ATRNL1: variants seen among roughly 807,000 people sequenced by gnomAD.
The protein encoded by ATRNL1 is attractin like 1.
Under a neutral mutation model 182.7 loss-of-function variants are expected in ATRNL1, and 95 were observed. That is an observed-to-expected ratio of 0.52 (90% CI 0.44 to 0.62). The LOEUF is 0.62. Ranked by LOEUF, ATRNL1 falls within the 20% of genes least tolerant of loss-of-function variation. The pLI is 0.00. For synonymous variants in ATRNL1, 576 were observed against 568.3 expected (o/e 1.01, Z -0.19); for missense variants, 1,471 against 1,679.5 (o/e 0.88, Z 2.17).
intron 19 of ATRNL1, among the ~76,000 whole-genome samples, chr10:115,336,980 G>GA (rs1264929005): frequency 7.5e-5 from 1 of 13,250 alleles, no homozygotes; most frequent in Non-Finnish European, 1.1e-4. Flanking sequence ...CAAGTAGCTG[G>GA]GGGGGGGGGA....
intron 24 of ATRNL1, among the ~76,000 whole-genome samples, chr10:115,489,820 T>C (rs782348655): frequency 6.6e-6 from 1 of 152,174 alleles, no homozygotes; most frequent in Non-Finnish European, 1.5e-5. Flanking sequence ...TTCATAGCAT[T>C]GATGGTCTTT....
In ATRNL1 at chr10:115,857,422, T is replaced by G. The variant is rs545590077; in HGVS notation, c.4018+9431T>G. Reference sequence around the variant, plus strand: ...AAGTAACTTGCCTACAGTCACATAGTAAATAATTATGGAGTCAGAATTTAA... The same window carrying G: ...AAGTAACTTGCCTACAGTCACATAGGAAATAATTATGGAGTCAGAATTTAA... On this transcript the variant is annotated intron_variant, in intron 28 of 28. Coordinates refer to ENST00000355044, the MANE Select transcript of ATRNL1 (RefSeq NM_207303.4). Among the ~76,000 whole-genome samples, 3 of 152,344 alleles carry G rather than the reference T, an allele frequency of 2.0e-5. No homozygotes were observed. In the South Asian group the frequency reaches 6.2e-4, roughly 32 times the overall value.
chr10:115,210,419 G>C (rs1564822875), intron 8 of ATRNL1, among the ~76,000 whole-genome samples: 1 of 151,768 alleles, frequency 6.6e-6, no homozygotes, highest in Non-Finnish European at 1.5e-5. Context: ...CCACAGTTAA[G>C]ATACAGAGTA....
intron 26 of ATRNL1, among the ~76,000 whole-genome samples, chr10:115,618,012 G>T (rs1441669812): frequency 6.6e-6 from 1 of 152,104 alleles, no homozygotes; most frequent in Non-Finnish European, 1.5e-5. Context: ...TTAAAAGTGT[G>T]TAGCACCTCC....
At chr10:115,842,311 A>G (rs955027707) in intron 27 of ATRNL1, among the ~76,000 whole-genome samples, 4 of 152,114 alleles carry the variant, frequency 2.6e-5, no homozygotes, top group African/African-American at 9.7e-5. Flanking sequence ...ATCATATGGT[A>G]TAAAAATGTT....
At chr10:115,155,415 T>C (rs797041717) in intron 5 of ATRNL1, among the ~76,000 whole-genome samples, 2 of 152,120 alleles carry the variant, frequency 1.3e-5, no homozygotes, top group South Asian at 4.1e-4. Flanking sequence ...TTTATTATAG[T>C]ATTAAATATT....
intron 8 of ATRNL1, among the ~76,000 whole-genome samples, chr10:115,199,362 C>G (rs1554891772): frequency 1.3e-5 from 2 of 151,866 alleles, no homozygotes; most frequent in South Asian, 4.2e-4. Context: ...GTCAAGAGAT[C>G]GAGACCTTCC....
intron 28 of ATRNL1, among the ~76,000 whole-genome samples, chr10:115,880,727 A>G (rs1589642504): frequency 6.6e-6 from 1 of 152,322 alleles, no homozygotes; most frequent in East Asian, 1.9e-4. Context: ...TGTCCCTGTC[A>G]TTTACCTAAT....
intron 17 of ATRNL1, among the ~76,000 whole-genome samples, chr10:115,310,947 T>C (rs1271107287): frequency 6.6e-6 from 1 of 152,144 alleles, no homozygotes; most frequent in Admixed American, 6.6e-5. Context: ...GATGCAGGCA[T>C]TTAGTACTAT....
At chr10:115,427,695 A>G (rs1399729598) in intron 21 of ATRNL1, among the ~76,000 whole-genome samples, 1 of 152,158 alleles carries the variant, frequency 6.6e-6, no homozygotes, top group Non-Finnish European at 1.5e-5. Flanking sequence ...ACTTTAATCA[A>G]TGAATTTCTG....
chr10:115,939,769 T>C (rs1953670420), intron 28 of ATRNL1, among the ~76,000 whole-genome samples: 2 of 152,122 alleles, frequency 1.3e-5, no homozygotes, highest in African/African-American at 4.8e-5. Context: ...GCGTGCAGCA[T>C]GGGCCCAGCA....
intron 24 of ATRNL1, among the ~76,000 whole-genome samples, chr10:115,475,760 C>A (rs1848499973): frequency 6.6e-6 from 1 of 151,302 alleles, no homozygotes; most frequent in Admixed American, 6.6e-5. Context: ...TTTTCTTCAT[C>A]ATCACCGTCA....
chr10:115,296,274 C>CCA (rs1345036405), intron 15 of ATRNL1, among the ~76,000 whole-genome samples: 5 of 152,164 alleles, frequency 3.3e-5, no homozygotes, highest in African/African-American at 1.2e-4. Context: ...CTTCCATTCA[C>CCA]CACAGGTGCA....
At chr10:115,780,378 T>C (rs1040818206) in intron 27 of ATRNL1, among the ~76,000 whole-genome samples, 5 of 152,088 alleles carry the variant, frequency 3.3e-5, no homozygotes, top group African/African-American at 4.8e-5. Context: ...TGAAACACAG[T>C]CTAGGCCGTG....
chr10:115,521,808 G>T (rs73373329), intron 25 of ATRNL1, among the ~76,000 whole-genome samples: 4,216 of 152,020 alleles, frequency 0.028, 228 homozygotes, highest in African/African-American at 0.098. Context: ...TAAAAAACTG[G>T]GTCATTGTTA....
At chr10:115,163,460 C>T (rs1460442263) in intron 6 of ATRNL1, among the ~76,000 whole-genome samples, 1 of 151,600 alleles carries the variant, frequency 6.6e-6, no homozygotes, top group African/African-American at 2.4e-5. Flanking sequence ...AGCTTCTGGG[C>T]CCAGGCGATC....
At chr10:115,608,071 T>C (rs544390725) in intron 26 of ATRNL1, among the ~76,000 whole-genome samples, 1 of 152,012 alleles carries the variant, frequency 6.6e-6, no homozygotes, top group Admixed American at 6.5e-5. Flanking sequence ...ATTGGTTTAG[T>C]AGCAATGCCT....
chr10:115,915,303 C>T (rs1457561166), intron 28 of ATRNL1, among the ~76,000 whole-genome samples: 1 of 151,812 alleles, frequency 6.6e-6, no homozygotes, highest in African/African-American at 2.4e-5. Context: ...GAGGCTGAGG[C>T]AGGAGAATGG....
intron 26 of ATRNL1, among the ~76,000 whole-genome samples, chr10:115,624,823 T>C (rs1857987734): frequency 6.6e-6 from 1 of 152,210 alleles, no homozygotes; most frequent in Non-Finnish European, 1.5e-5. Flanking sequence ...GAGATTATCT[T>C]TGAATAACTT....
Sources: gnomAD v4.1 joint callset for allele counts (sites outside exome capture counted in the v4.1 genomes callset) on GRCh38, gnomAD v4.1.1 for gene constraint, MANE v1.5 for transcripts, NCBI Gene and HGNC (gene_info 2026-07-23, HGNC 2026-07-21) for gene names.